The following STXBP5L variants were observed in gnomAD, a reference collection of about 807,000 sequenced individuals.
STXBP5L encodes syntaxin-binding protein 5-like.
STXBP5L carries 65 observed loss-of-function variants against 144.5 expected under a neutral mutation model. That is an observed-to-expected ratio of 0.45 (90% confidence interval 0.37 to 0.55). STXBP5L has a LOEUF of 0.55. STXBP5L is among the 20% of genes least tolerant of loss of function. The probability of loss-of-function intolerance (pLI) is 0.00; values close to 1 mark genes in which losing one functional copy is unlikely to be tolerated. For synonymous variants in STXBP5L, 505 were observed against 469.6 expected, an observed-to-expected ratio of 1.08 and a Z score of -0.97; for missense variants, 1,298 against 1,405.5, an observed-to-expected ratio of 0.92 and a Z score of 1.22.
intron 19 of STXBP5L, among the ~76,000 whole-genome samples, chr3:121,297,239 T>TGTGTGA (rs201815813): frequency 1.4e-5 from 2 of 143,384 alleles, no homozygotes; most frequent in African/African-American, 5.1e-5. Context: ...TGTGTGTGTG[T>TGTGTGA]GATATTCCTG....
At chr3:121,169,764 A>G (rs1263522255) in intron 9 of STXBP5L, among the ~76,000 whole-genome samples, 1 of 152,204 alleles carries the variant, frequency 6.6e-6, no homozygotes, top group Non-Finnish European at 1.5e-5. Context: ...TCAACACTCT[A>G]CTGTCTATGT....
chr3:121,024,744 T>C (rs1317718638), intron 3 of STXBP5L, among the ~76,000 whole-genome samples: 3 of 152,184 alleles, frequency 2.0e-5, no homozygotes, highest in Non-Finnish European at 4.4e-5. Context: ...CAACATCTAT[T>C]CCATGATATA....
chr3:121,233,554 AT>A, intron 11 of STXBP5L, 61 bp from the exon 12 acceptor site: 1 of 1,262,126 alleles, frequency 7.9e-7, no homozygotes, highest in Admixed American at 2.3e-5. Flanking sequence ...AGGAAATGCA[AT>A]TTTGCTGATT....
intron 18 of STXBP5L, among the ~76,000 whole-genome samples, chr3:121,279,589 G>T (rs2050986914): frequency 6.6e-6 from 1 of 151,850 alleles, no homozygotes; most frequent in African/African-American, 2.4e-5. Flanking sequence ...AAATATAATT[G>T]CCGATCATCC....
intron 3 of STXBP5L, among the ~76,000 whole-genome samples, chr3:120,979,147 GAGGTGGA>G (rs1941451485): frequency 6.6e-6 from 1 of 152,210 alleles, no homozygotes; most frequent in Admixed American, 6.5e-5. Flanking sequence ...CTTGCCACCA[GAGGTGGA>G]GCCTACAGAG....
intron 19 of STXBP5L, among the ~76,000 whole-genome samples, chr3:121,291,358 C>T (rs185375869): frequency 3.2e-4 from 48 of 151,922 alleles, no homozygotes; most frequent in Admixed American, 8.5e-4. Flanking sequence ...AGGAGGTGAA[C>T]GATCTCTACA....
At chr3:121,405,429 T>C (rs986644611) in intron 22 of STXBP5L, among the ~76,000 whole-genome samples, 43 of 152,290 alleles carry the variant, frequency 2.8e-4, no homozygotes, top group Middle Eastern at 3.4e-3. Context: ...TTGTCTGTTT[T>C]ATTCACCACT....
intron 10 of STXBP5L, among the ~76,000 whole-genome samples, chr3:121,215,141 C>T (rs942854458): frequency 2.6e-5 from 4 of 152,014 alleles, no homozygotes; most frequent in African/African-American, 9.7e-5. Context: ...ACTGATGGGT[C>T]TTGACTCTTT....
chr3:121,326,173 G>A (rs2044139426), intron 20 of STXBP5L, among the ~76,000 whole-genome samples: 1 of 151,962 alleles, frequency 6.6e-6, no homozygotes, highest in Admixed American at 6.6e-5. Flanking sequence ...ATTTTAAGAT[G>A]AAGGTAGTGT....
At chr3:120,989,750 A>T (rs1466008310) in intron 3 of STXBP5L, among the ~76,000 whole-genome samples, 1 of 152,098 alleles carries the variant, frequency 6.6e-6, no homozygotes, top group African/African-American at 2.4e-5. Flanking sequence ...CCCACTGGTG[A>T]ATTGATCCTT....
chr3:121,042,891 C>G (rs975954003), intron 4 of STXBP5L, among the ~76,000 whole-genome samples: 3 of 151,580 alleles, frequency 2.0e-5, no homozygotes, highest in East Asian at 1.9e-4. Context: ...ATTGTAATAA[C>G]TGCTCATTAT....
intron 3 of STXBP5L, among the ~76,000 whole-genome samples, chr3:120,956,422 A>G (rs1014526248): frequency 3.9e-5 from 6 of 151,904 alleles, no homozygotes; most frequent in African/African-American, 1.4e-4. Context: ...GTGAAAGCAT[A>G]CAGTATTCTT....
At chr3:121,228,376 A>G (rs896661362) in intron 11 of STXBP5L, among the ~76,000 whole-genome samples, 3 of 152,156 alleles carry the variant, frequency 2.0e-5, no homozygotes, top group African/African-American at 7.2e-5. Context: ...CAGACACATA[A>G]AGAAAAGCCA....
chr3:121,059,636 C>T (rs2107624464), intron 5 of STXBP5L, among the ~76,000 whole-genome samples: 2 of 152,174 alleles, frequency 1.3e-5, no homozygotes, highest in Middle Eastern at 3.4e-3. Flanking sequence ...TTGTTTGTGT[C>T]CTCTCTTATT....
chr3:121,201,564 C>T (rs1577195816), intron 9 of STXBP5L, among the ~76,000 whole-genome samples: 21 of 151,596 alleles, frequency 1.4e-4, no homozygotes, highest in Admixed American at 1.4e-3. Flanking sequence ...ATGACGCTAG[C>T]TGGTTATTTT....
At chr3:121,067,538 G>C (rs1472046748) in intron 5 of STXBP5L, among the ~76,000 whole-genome samples, 1 of 152,072 alleles carries the variant, frequency 6.6e-6, no homozygotes, top group Non-Finnish European at 1.5e-5. Flanking sequence ...TTATGATTCA[G>C]CACATGGACA....
intron 3 of STXBP5L, among the ~76,000 whole-genome samples, chr3:120,994,131 G>C (rs938958544): frequency 1.3e-5 from 2 of 151,800 alleles, no homozygotes; most frequent in Non-Finnish European, 2.9e-5. Context: ...ATTTTTGTGT[G>C]CCAATTTTTT....
At chr3:120,939,048 G>A (rs1710419519) in intron 2 of STXBP5L, among the ~76,000 whole-genome samples, 1 of 152,152 alleles carries the variant, frequency 6.6e-6, no homozygotes, top group African/African-American at 2.4e-5. Flanking sequence ...CTCCCATAGT[G>A]CTGGGATTAC....
intron 3 of STXBP5L, among the ~76,000 whole-genome samples, chr3:121,002,366 C>T (rs192915771): frequency 2.6e-4 from 40 of 152,112 alleles, no homozygotes; most frequent in Admixed American, 1.2e-3. Context: ...TGGAAAATAT[C>T]TATTCAGGTC....
Sources: gnomAD v4.1 joint callset for allele counts (sites outside exome capture counted in the v4.1 genomes callset) on GRCh38, gnomAD v4.1.1 for gene constraint, MANE v1.5 for transcripts, NCBI Gene and HGNC (gene_info 2026-07-23, HGNC 2026-07-21) for gene names.